Variants in ASPH observed in about 807,000 individuals in gnomAD.
ASPH encodes aspartate beta-hydroxylase.
In ASPH, 100 loss-of-function variants were observed where a neutral mutation model predicts 118.4. The ratio of observed to expected loss-of-function variants is 0.84; its 90% confidence interval spans 0.72 to 1.00. The LOEUF is 1.00. Ranked by LOEUF, ASPH falls within the 50% of genes least tolerant of loss-of-function variation. The pLI, the probability that ASPH is intolerant of heterozygous loss-of-function variation, is 0.00. For missense variants in ASPH, 920 were observed against 919.5 expected (o/e 1.00, Z -0.01); for synonymous variants, 315 against 325.6 (o/e 0.97, Z 0.35).
At chr8:61,635,924 A>G (rs534887177) in intron 12 of ASPH, among the ~76,000 whole-genome samples, 1 of 152,252 alleles carries the variant, frequency 6.6e-6, no homozygotes, top group East Asian at 1.9e-4. Flanking sequence ...CACATCTAAA[A>G]CAAAAATCAG....
At chr8:61,517,317 G>A in intron 24 of ASPH, 2 of 583,732 alleles carry the variant, frequency 3.4e-6, no homozygotes, top group Non-Finnish European at 5.7e-6. Flanking sequence ...GAGAAATAAT[G>A]GAGGAGGGCA....
intron 12 of ASPH, among the ~76,000 whole-genome samples, chr8:61,636,358 G>A: frequency 6.6e-6 from 1 of 152,220 alleles, no homozygotes; most frequent in East Asian, 1.9e-4. Flanking sequence ...AACAGGTCTT[G>A]GGATTAGCTA....
chr8:61,539,105 G>C (rs1318609879), intron 21 of ASPH, among the ~76,000 whole-genome samples: 1 of 152,138 alleles, frequency 6.6e-6, no homozygotes, highest in Non-Finnish European at 1.5e-5. Flanking sequence ...GCCAGGCGTG[G>C]TGGCAGGCGC....
chr8:61,562,673 G>A, intron 18 of ASPH, 71 bp downstream of exon 18: 1 of 1,366,726 alleles, frequency 7.3e-7, no homozygotes, highest in Non-Finnish European at 9.8e-7. Flanking sequence ...GAGAGACTGG[G>A]TATAATAAAT....
intron 20 of ASPH, among the ~76,000 whole-genome samples, chr8:61,549,831 G>A (rs1005292673): frequency 2.0e-5 from 3 of 152,124 alleles, no homozygotes; most frequent in Non-Finnish European, 2.9e-5. Context: ...TGCTAGAATA[G>A]TGAGAAAAGA....
At chr8:61,548,938 G>A (rs957647452) in intron 20 of ASPH, among the ~76,000 whole-genome samples, 1 of 152,084 alleles carries the variant, frequency 6.6e-6, no homozygotes, top group African/African-American at 2.4e-5. Flanking sequence ...GGAGCATGAC[G>A]CTCTTTATGG....
chr8:61,540,409 C>A lies in ASPH; in HGVS notation c.1764+7662G>T, dbSNP rs1323270117. ...ACATGTATGTAACACCTCACCTGCC[C>A]CAGCTCTCTTGCTCCTGTTCATGCT... On this transcript the variant is annotated intron_variant, in intron 21 of 24. Coordinates refer to ENST00000379454, the MANE Select transcript of ASPH (RefSeq NM_004318.4). Among the ~76,000 whole-genome samples the A allele has an allele frequency of 2.6e-5, 4 of 152,148 alleles. No homozygotes were observed. The East Asian group carries it at 5.8e-4, about 22-fold the overall frequency.
At chr8:61,649,089 A>G (rs985146632) in intron 5 of ASPH, among the ~76,000 whole-genome samples, 2 of 152,174 alleles carry the variant, frequency 1.3e-5, no homozygotes, top group Non-Finnish European at 1.5e-5. Flanking sequence ...AGCACAGGTT[A>G]TAGAGGAGCA....
rs1804975221 is a variant in ASPH at position 61,501,739 on chromosome 8, G to C, written c.*1620C>G. On this transcript the variant is annotated 3_prime_UTR_variant, in exon 25 of 25. Coordinates refer to ENST00000379454, the MANE Select transcript of ASPH (RefSeq NM_004318.4). ...ATTTAGTGGGATGTTTTCAATACCA[G>C]CAAAACAAAAGAACAGGAAAAGTAT... The C allele has an allele frequency of 6.6e-6, 1 of 152,056 alleles. No homozygotes were observed. Among genetic ancestry groups the C allele is most frequent in the Admixed American group, 6.6e-5 (1 of 15,260 alleles). 9.4% of individuals were successfully genotyped at this position (152,056 alleles called of 1,614,324 possible). A position where few individuals can be genotyped will look rare whatever the true frequency, so the allele number is the denominator to read the frequency against.
chr8:61,647,937 T>C (rs1411306371), intron 5 of ASPH, among the ~76,000 whole-genome samples: 3 of 152,196 alleles, frequency 2.0e-5, no homozygotes, highest in Admixed American at 2.0e-4. Flanking sequence ...TAACTTGACC[T>C]GGCTTCCAGC....
chr8:61,637,803 G>C (rs1364761191), intron 12 of ASPH, 144 bp downstream of exon 12: 2 of 707,036 alleles, frequency 2.8e-6, no homozygotes, highest in East Asian at 3.2e-5. Flanking sequence ...CCAATGAAAA[G>C]AGGACTCTGT....
intron 6 of ASPH, among the ~76,000 whole-genome samples, chr8:61,646,012 T>C (rs769860303): frequency 2.6e-5 from 4 of 152,248 alleles, no homozygotes; most frequent in Non-Finnish European, 4.4e-5. Flanking sequence ...TAAGGAGACC[T>C]TGCCACTATA....
In ASPH at chr8:61,685,736, T is replaced by C. The variant is rs78271582; in HGVS notation, c.104-1548A>G. Among the ~76,000 whole-genome samples the C allele has an allele frequency of 4.5e-4, 68 of 152,196 alleles. No individual in the cohort carries two copies. The East Asian group carries it at 0.012, about 26-fold the overall frequency. ...TAAAAACTAAATCCATCTGAGTATA[T>C]ATATGTACACTCAAACATATACATA... On this transcript the variant is annotated intron_variant, in intron 1 of 24. Transcript: ENST00000379454.
chr8:61,592,189 A>G (rs1841343148), intron 14 of ASPH, among the ~76,000 whole-genome samples: 1 of 152,244 alleles, frequency 6.6e-6, no homozygotes, highest in South Asian at 2.1e-4. Flanking sequence ...CTACTACAGT[A>G]AAGGAAAGTC....
chr8:61,567,004 C>T (rs1013845368), intron 17 of ASPH, among the ~76,000 whole-genome samples, 164 bp downstream of exon 17: 2 of 152,176 alleles, frequency 1.3e-5, no homozygotes, highest in African/African-American at 4.8e-5. Flanking sequence ...ATTACAATTT[C>T]AGTTTTAGAG....
chr8:61,644,321 G>A (rs571311520), intron 7 of ASPH, among the ~76,000 whole-genome samples: 1 of 152,192 alleles, frequency 6.6e-6, no homozygotes, highest in Non-Finnish European at 1.5e-5. Context: ...TAGACCTTTC[G>A]TTGACTCTGT....
intron 10 of ASPH, among the ~76,000 whole-genome samples, chr8:61,638,754 C>T (rs1444503955): frequency 6.6e-6 from 1 of 152,176 alleles, no homozygotes; most frequent in Non-Finnish European, 1.5e-5. Context: ...ACCTCTGCCG[C>T]CAGCCCCTGA....
chr8:61,659,545 T>C (rs1815649938), intron 3 of ASPH: 1 of 152,168 alleles, frequency 6.6e-6, no homozygotes, highest in South Asian at 2.1e-4. Flanking sequence ...AAAAAAGAAA[T>C]GGATGACTTT....
chr8:61,588,696 T>C (rs1840198102), intron 14 of ASPH, among the ~76,000 whole-genome samples: 1 of 152,160 alleles, frequency 6.6e-6, no homozygotes, highest in South Asian at 2.1e-4. Context: ...CACCCATAGA[T>C]CCCCAGAACA....
Sources: gnomAD v4.1 joint callset for allele counts (sites outside exome capture counted in the v4.1 genomes callset) on GRCh38, gnomAD v4.1.1 for gene constraint, MANE v1.5 for transcripts, NCBI Gene and HGNC (gene_info 2026-07-23, HGNC 2026-07-21) for gene names.